Variants in PLCB1 observed in about 807,000 individuals in gnomAD.
The protein encoded by PLCB1 is 1-phosphatidylinositol 4,5-bisphosphate phosphodiesterase beta-1.
In PLCB1, 46 loss-of-function variants were observed where a neutral mutation model predicts 161.8. The observed-to-expected ratio is 0.28, with a 90% CI of 0.22 to 0.36. The LOEUF is 0.36. PLCB1 is among the 10% of genes least tolerant of loss of function. The pLI is 1.00. For missense variants in PLCB1, 1,016 were observed against 1,472.5 expected (o/e 0.69, Z 5.07); for synonymous variants, 517 against 503.7 (o/e 1.03, Z -0.35).
chr20:8,231,635 T>C (rs1183155619), intron 2 of PLCB1, among the ~76,000 whole-genome samples: 1 of 152,172 alleles, frequency 6.6e-6, no homozygotes, highest in Non-Finnish European at 1.5e-5. Context: ...TTCTTTCTTT[T>C]ATTCTGCTTC....
intron 31 of PLCB1, among the ~76,000 whole-genome samples, chr20:8,816,629 A>G (rs1985098541): frequency 1.3e-5 from 2 of 152,216 alleles, no homozygotes; most frequent in Admixed American, 1.3e-4. Flanking sequence ...AAGCATATAT[A>G]TGAATATGAA....
chr20:8,190,443 A>G lies in PLCB1; in HGVS notation c.177+40072A>G, dbSNP rs1438851677. On this transcript the variant is annotated intron_variant, in intron 2 of 31. Transcript: ENST00000338037. ...TGATTTTAAAGTTTGAAATGCCTTA[A>G]CATTCTCCATCAGGGACAAGTTATG... 2.0e-5 allele frequency among the ~76,000 whole-genome samples: 3 copies of G among 152,082 alleles called. No homozygotes were observed. In the East Asian group the frequency reaches 5.8e-4, roughly 29 times the overall value.
rs116319401 is a variant in PLCB1 at position 8,552,459 on chromosome 20, C to G, written c.247-75835C>G. Among the ~76,000 whole-genome samples the G allele has an allele frequency of 3.3e-3, 508 of 152,282 alleles. 3 individuals are homozygous for G. Among genetic ancestry groups the G allele is most frequent in the African/African-American group, 0.012 (485 of 41,564 alleles). ...ACAGGAGAAGGAAGAGAGGACAGAA[C>G]AATCAATACTTGATGATGAACTTCT... On this transcript the variant is annotated intron_variant, in intron 3 of 31. Transcript: ENST00000338037.
At chr20:8,734,936 C>T (rs1040982003) in intron 19 of PLCB1, among the ~76,000 whole-genome samples, 1 of 152,148 alleles carries the variant, frequency 6.6e-6, no homozygotes, top group Admixed American at 6.5e-5. Flanking sequence ...TACCTTAAAA[C>T]TTTCGTCACT....
intron 31 of PLCB1, among the ~76,000 whole-genome samples, chr20:8,835,557 C>T (rs1057084245): frequency 6.6e-6 from 1 of 151,990 alleles, no homozygotes. Flanking sequence ...CAAAGAATTC[C>T]AGGCATATCT....
chr20:8,606,192 T>C (rs1987753121), intron 3 of PLCB1, among the ~76,000 whole-genome samples: 1 of 152,214 alleles, frequency 6.6e-6, no homozygotes, highest in Admixed American at 6.5e-5. Flanking sequence ...GTTTTGTTGT[T>C]TACATTTAAC....
intron 2 of PLCB1, among the ~76,000 whole-genome samples, chr20:8,184,700 A>G (rs1381197409): frequency 1.3e-5 from 2 of 151,178 alleles, no homozygotes; most frequent in Non-Finnish European, 2.9e-5. Context: ...AGAAATGTAA[A>G]TTGTAACCAC....
chr20:8,158,339 G>A (rs2051584531), intron 2 of PLCB1, among the ~76,000 whole-genome samples: 1 of 152,100 alleles, frequency 6.6e-6, no homozygotes, highest in Admixed American at 6.5e-5. Flanking sequence ...CAAGATTGTT[G>A]ATGGTACTGA....
intron 31 of PLCB1, among the ~76,000 whole-genome samples, chr20:8,865,075 A>C (rs983677867): frequency 6.6e-6 from 1 of 152,200 alleles, no homozygotes; most frequent in Non-Finnish European, 1.5e-5. Context: ...TGTCCTTATA[A>C]GAGTAACTTC....
intron 3 of PLCB1, among the ~76,000 whole-genome samples, chr20:8,484,610 A>C (rs1035687890): frequency 1.3e-5 from 2 of 152,046 alleles, no homozygotes; most frequent in Non-Finnish European, 2.9e-5. Context: ...GATCCTCCCG[A>C]AGTGCTGGGA....
chr20:8,374,528 A>G (rs1406627781), intron 3 of PLCB1, among the ~76,000 whole-genome samples: 1 of 152,136 alleles, frequency 6.6e-6, no homozygotes, highest in Non-Finnish European at 1.5e-5. Flanking sequence ...CCCACCTAAC[A>G]GTGTCATATG....
chr20:8,513,901 G>A (rs1179843993), intron 3 of PLCB1, among the ~76,000 whole-genome samples: 1 of 151,738 alleles, frequency 6.6e-6, no homozygotes, highest in African/African-American at 2.4e-5. Flanking sequence ...GGTGGTGTGT[G>A]CCTGTAGTCC....
At chr20:8,484,053 T>C (rs1406412090) in intron 3 of PLCB1, among the ~76,000 whole-genome samples, 2 of 152,154 alleles carry the variant, frequency 1.3e-5, no homozygotes, top group Non-Finnish European at 2.9e-5. Flanking sequence ...GAGAAGGAAT[T>C]TTGCTCTTGT....
chr20:8,743,324 T>C (rs1194485886), intron 23 of PLCB1, among the ~76,000 whole-genome samples: 1 of 152,226 alleles, frequency 6.6e-6, no homozygotes, highest in Non-Finnish European at 1.5e-5. Context: ...TATGGGTTTT[T>C]TTTTCCTTCA....
At chr20:8,472,677 C>CA (rs564141828) in intron 3 of PLCB1, among the ~76,000 whole-genome samples, 27 of 143,166 alleles carry the variant, frequency 1.9e-4, no homozygotes, top group East Asian at 8.2e-4. Context: ...AACTTTGTCT[C>CA]AAAAAAAAAA....
chr20:8,760,675 C>T (rs1981974931), intron 25 of PLCB1, among the ~76,000 whole-genome samples: 1 of 152,166 alleles, frequency 6.6e-6, no homozygotes, highest in Non-Finnish European at 1.5e-5. Flanking sequence ...ACCCTACTGG[C>T]ATAAAAATAA....
rs1985046032 is a variant in PLCB1, at chr20:8,324,202, GTGT to G, written c.178-47179_178-47177del. 2.0e-3 allele frequency among the ~76,000 whole-genome samples: 6 copies of G among 2,934 alleles called. 1 individual carries two copies. The highest frequency in any genetic ancestry group is 6.8e-3 in the Admixed American group (1 of 146). 1.9% of individuals were successfully genotyped at this position (2,934 alleles called of 152,430 possible). A position where few individuals can be genotyped will look rare whatever the true frequency, so the allele number is the denominator to read the frequency against. On this transcript the variant is annotated intron_variant, in intron 2 of 31. Transcript: ENST00000338037. ...TCACAGTCTCTAAACTGGTAGGGGTGTGTGTGTGTGTGTGTGTGTGTGTGTGTG... is the reference window on the plus strand; with the variant it reads ...TCACAGTCTCTAAACTGGTAGGGGTGGTGTGTGTGTGTGTGTGTGTGTGTG...
rs958870084 is a variant in PLCB1, at chr20:8,180,982, C to T, written c.177+30611C>T. On this transcript the variant is annotated intron_variant, in intron 2 of 31. Transcript: ENST00000338037. ...GTGTGTGTGTGTGTATGTATGTGTGCGTGTGTGTGTAAAGAAGAATATGAT... is the reference window on the plus strand; with the variant it reads ...GTGTGTGTGTGTGTATGTATGTGTGTGTGTGTGTGTAAAGAAGAATATGAT... Among the ~76,000 whole-genome samples the T allele has an allele frequency of 1.3e-3, 190 of 148,660 alleles. 2 individuals are homozygous for T. Among genetic ancestry groups the T allele is most frequent in the East Asian group, 0.01 (51 of 5,010 alleles).
At chr20:8,554,751 C>T (rs961450810) in intron 3 of PLCB1, among the ~76,000 whole-genome samples, 3 of 151,988 alleles carry the variant, frequency 2.0e-5, no homozygotes, top group African/African-American at 7.3e-5. Flanking sequence ...ATAAATTATA[C>T]CTCAATAAAA....
Sources: allele counts gnomAD v4.1 joint callset (sites outside exome capture counted in the v4.1 genomes callset), GRCh38; gene constraint gnomAD v4.1.1; transcripts MANE v1.5; gene names NCBI Gene and HGNC (gene_info 2026-07-23, HGNC 2026-07-21).